Variants in MYO1F observed in about 807,000 individuals in gnomAD.
The protein encoded by MYO1F is myosin IF, also known as unconventional myosin-If.
MYO1F carries 60 observed loss-of-function variants against 146.6 expected under a neutral mutation model. The ratio of observed to expected loss-of-function variants is 0.41; its 90% CI spans 0.33 to 0.51. MYO1F has a LOEUF of 0.51. Ranked by LOEUF, MYO1F falls within the 20% of genes least tolerant of loss-of-function variation. The probability of loss-of-function intolerance (pLI) is 0.25; values close to 1 mark genes in which losing one functional copy is unlikely to be tolerated. For synonymous variants in MYO1F, 602 were observed against 602.1 expected, an observed-to-expected ratio of 1.00 and a Z score of 0.00; for missense variants, 1,274 against 1,534.3, an observed-to-expected ratio of 0.83 and a Z score of 2.83.
In MYO1F at chr19:8,572,278, T is replaced by TC. The variant is rs372939985; in HGVS notation, c.3+5028dup. On this transcript the variant is annotated intron_variant, in intron 1 of 27. Transcript: ENST00000644032. Reference sequence around the variant, plus strand: ...CCAATCAATTATGGGCATTTTTTTTTCCCCTCTGAGACAGAGTCTCGCTCT... The same window carrying TC: ...CCAATCAATTATGGGCATTTTTTTTTCCCCCTCTGAGACAGAGTCTCGCTCT... Among the ~76,000 whole-genome samples the TC allele has an allele frequency of 2.7e-4, 41 of 151,272 alleles. 1 individual carries two copies. In the South Asian group the frequency reaches 7.1e-3, roughly 26 times the overall value.
chr19:8,571,182 C>T (rs2042100515), intron 1 of MYO1F, among the ~76,000 whole-genome samples: 1 of 152,190 alleles, frequency 6.6e-6, no homozygotes, highest in South Asian at 2.1e-4. Context: ...GTCCTGCGAG[C>T]TGTGGTTGCC....
chr19:8,541,417 G>GTTTTTTTTT (rs762175522), intron 15 of MYO1F, among the ~76,000 whole-genome samples: 152 of 134,202 alleles, frequency 1.1e-3, no homozygotes, highest in Non-Finnish European at 1.4e-3. Context: ...GTGTGTGTGT[G>GTTTTTTTTT]TGTGTGTGTT....
intron 1 of MYO1F, among the ~76,000 whole-genome samples, chr19:8,562,933 A>G (rs1267089228): frequency 6.6e-6 from 1 of 152,062 alleles, no homozygotes; most frequent in African/African-American, 2.4e-5. Flanking sequence ...TACAGGTGGG[A>G]GCACCTGGTG....
intron 16 of MYO1F, among the ~76,000 whole-genome samples, chr19:8,539,434 C>G (rs1456177385): frequency 6.7e-6 from 1 of 150,184 alleles, no homozygotes; most frequent in Non-Finnish European, 1.5e-5. Flanking sequence ...ACCAAACCAA[C>G]AAAAAAACAA....
chr19:8,547,946 G>A (rs1000510070), intron 12 of MYO1F, 90 bp downstream of exon 12: 5 of 1,280,464 alleles, frequency 3.9e-6, no homozygotes, highest in Admixed American at 3.5e-5. Flanking sequence ...GGGAGGGCTG[G>A]GGTGTCCCCT....
chr19:8,548,084 A>G lies in MYO1F; in HGVS notation c.1221T>C (p.Asn407=). ...GFEQFCINFV[N]EKLQQIFIEL... is the part of the protein sequence containing the mutation. Reference sequence around the variant, plus strand: ...CGATAAAGATTTGCTGCAGCTTCTCATTGACGAAGTTGATGCAAAACTGCT... The same window carrying G: ...CGATAAAGATTTGCTGCAGCTTCTCGTTGACGAAGTTGATGCAAAACTGCT... Residue 407 remains asparagine, a synonymous_variant, in exon 12 of 28, where the codon AAT becomes AAC. Transcript: ENST00000644032. 1.2e-6 allele frequency: 2 copies of G among 1,611,894 alleles called. No individual in the cohort carries two copies. The highest frequency in any genetic ancestry group is 1.7e-6 in the Non-Finnish European group (2 of 1,179,812).
In MYO1F at chr19:8,530,418, C is replaced by T. The variant is rs1568335111; in HGVS notation, c.2158+41G>A. The T allele has an allele frequency of 1.2e-6, 2 of 1,613,804 alleles. No individual in the cohort carries two copies. The highest frequency in any genetic ancestry group is 1.7e-6 in the Non-Finnish European group (2 of 1,179,990). ...GCTCCTGATACAGCTCCTCCAGGTC[C>T]TTGTGCCCCCACCCCGCGCCGTTTA... On this transcript the variant is annotated intron_variant, in intron 20 of 27. Coordinates refer to ENST00000644032, the MANE Select transcript of MYO1F (RefSeq NM_012335.4). The surrounding 1 kb of genome is among the most constrained non-coding windows in gnomAD (Gnocchi z 5.8).
At chr19:8,526,054 C>T (rs1019464993) in intron 24 of MYO1F, among the ~76,000 whole-genome samples, 1 of 152,192 alleles carries the variant, frequency 6.6e-6, no homozygotes, top group Non-Finnish European at 1.5e-5. Context: ...TCTGGCCGGG[C>T]GCAGTGGCTC....
intron 1 of MYO1F, among the ~76,000 whole-genome samples, chr19:8,568,239 C>T (rs751055787): frequency 6.6e-5 from 10 of 151,690 alleles, no homozygotes; most frequent in East Asian, 5.9e-4. Flanking sequence ...CTGGCTAACA[C>T]GGTGAAACCC....
chr19:8,548,320 G>A lies in MYO1F; in HGVS notation c.1102-3C>T. ...TTCTGCATAGCACGGTTGATGGCCT[G>A]CGGTGTGGGTGGGGACAGGAAGTCA... is the stretch of plus-strand genomic sequence containing the variant. On this transcript the variant is annotated splice_region_variant and splice_polypyrimidine_tract_variant and intron_variant, in intron 10 of 27. Transcript: ENST00000644032. 2 of 1,604,294 alleles carry A rather than the reference G, an allele frequency of 1.2e-6. No individual in the cohort carries two copies. The highest frequency in any genetic ancestry group is 1.7e-6 in the Non-Finnish European group (2 of 1,179,834).
At chr19:8,555,448 G>T (rs1012652975) in intron 2 of MYO1F, 2 of 452,482 alleles carry the variant, frequency 4.4e-6, no homozygotes, top group African/African-American at 2.1e-5. Context: ...AATGGAACAC[G>T]CTGGGGCTGA....
intron 15 of MYO1F, 179 bp downstream of exon 15, chr19:8,541,727 C>G: frequency 1.5e-6 from 1 of 663,166 alleles, no homozygotes; most frequent in Non-Finnish European, 2.7e-6. Flanking sequence ...CTGCGCCCGG[C>G]CTCTGGAGTT....
At chr19:8,535,715 T>C (rs1367263171) in intron 19 of MYO1F, among the ~76,000 whole-genome samples, 6 of 151,708 alleles carry the variant, frequency 4.0e-5, no homozygotes, top group Admixed American at 3.9e-4. Context: ...AGTCTCGCTC[T>C]GTCGCCCAGG....
Position 8,566,260 on chromosome 19 carries a change from C to G in MYO1F, c.4-10464G>C, listed in dbSNP as rs370015943. Among the ~76,000 whole-genome samples, 40 of 147,484 alleles carry G rather than the reference C, an allele frequency of 2.7e-4. 2 individuals carry two copies. In the South Asian group the frequency reaches 8.2e-3, roughly 30 times the overall value. ...TCGGCTCACTGCAAGCTCTGCCTCC[C>G]GGGTTCACGCCATTCTCCTGCCTCA... On this transcript the variant is annotated intron_variant, in intron 1 of 27. Coordinates refer to ENST00000644032, the MANE Select transcript of MYO1F (RefSeq NM_012335.4).
chr19:8,571,192 C>T (rs1369613110), intron 1 of MYO1F, among the ~76,000 whole-genome samples: 5 of 152,144 alleles, frequency 3.3e-5, no homozygotes, highest in Non-Finnish European at 5.9e-5. Flanking sequence ...CTGTGGTTGC[C>T]GGGAGGAGAG....
In MYO1F at chr19:8,537,036, A is replaced by G; in HGVS notation, c.1712T>C (p.Val571Ala). The G allele has an allele frequency of 6.2e-7, 1 of 1,610,866 alleles. No individual in the cohort carries two copies. Among genetic ancestry groups the G allele is most frequent in the South Asian group, 1.1e-5 (1 of 90,920 alleles). Reference protein sequence around the residue: ...SKIKKQANDLVATLMRCTPHY... With the variant: ...SKIKKQANDLAATLMRCTPHY... ...GGGTGTGCACCTCATCAGTGTGGCC[A>G]CCAGGTCGTTGGCTTGTTTCTGAGG... The change falls in exon 17 of 28, where the codon GTG (valine) becomes GCG (alanine). Residue 571 changes from valine (V) to alanine (A), a missense_variant. By Grantham distance (64) the Val-to-Ala change is moderately conservative. Coordinates refer to ENST00000644032, the MANE Select transcript of MYO1F (RefSeq NM_012335.4).
chr19:8,574,737 T>C (rs1256004541), intron 1 of MYO1F, among the ~76,000 whole-genome samples: 2 of 150,534 alleles, frequency 1.3e-5, no homozygotes, highest in East Asian at 1.9e-4. Context: ...TTCTTTCTTT[T>C]TCTTTCTTTC....
rs771367474 is a variant in MYO1F at position 8,522,493 on chromosome 19, G to T, written c.3104C>A (p.Pro1035His). The change falls in exon 27 of 28, where the codon CCC (proline) becomes CAC (histidine). Residue 1035 changes from proline (P) to histidine (H), a missense_variant. Pro to His is a moderately conservative substitution (Grantham distance 77). Coordinates refer to ENST00000644032, the MANE Select transcript of MYO1F (RefSeq NM_012335.4). ...ACCATGTGTCCGAGGCTGGGGCTTG[G>T]GTCGGCCCACACCAGGCACTGGCCG... Reference protein sequence around the residue: ...GQRPVPGVGRPKPQPRTHGPR... With the variant: ...GQRPVPGVGRHKPQPRTHGPR... 6.2e-7 allele frequency: 1 copy of T among 1,613,734 alleles called. No individual in the cohort carries two copies. The highest frequency in any genetic ancestry group is 1.1e-5 in the South Asian group (1 of 91,056).
rs1972706800 is a variant in MYO1F, at chr19:8,536,267, G to A, written c.2028C>T (p.Val676=). The A allele has an allele frequency of 6.2e-7, 1 of 1,605,882 alleles. No individual in the cohort carries two copies. The change falls in exon 19 of 28, where the codon GTC becomes GTT. Residue 676 remains valine, a synonymous_variant. Transcript: ENST00000644032. The part of the protein sequence containing the change: ...QYQMGSTKVF[V]KNPESLFLLE... Reference sequence around the variant, plus strand: ...ACACACTCACCGACTCTGGGTTCTTGACAAAGACCTTGGTGCTCCCCATCT... The same window carrying A: ...ACACACTCACCGACTCTGGGTTCTTAACAAAGACCTTGGTGCTCCCCATCT...
Sources: gnomAD v4.1 joint callset for allele counts (sites outside exome capture counted in the v4.1 genomes callset) on GRCh38, gnomAD v4.1.1 for gene constraint, Gnocchi (gnomAD v3.1) non-coding constraint, MANE v1.5 for transcripts, NCBI Gene and HGNC (gene_info 2026-07-23, HGNC 2026-07-21) for gene names.